Variants in CNTNAP2 observed in about 807,000 individuals in gnomAD.
The protein encoded by CNTNAP2 is contactin-associated protein-like 2.
A neutral mutation model predicts 155.2 loss-of-function variants in CNTNAP2; 98 were observed. The observed-to-expected ratio is 0.63, with a 90% CI of 0.54 to 0.75. The LOEUF (loss-of-function observed/expected upper bound fraction) is 0.75, where lower values mean the gene tolerates loss of function less well. CNTNAP2 is among the 30% of genes least tolerant of loss of function. The probability of loss-of-function intolerance (pLI) is 0.00; values close to 1 mark genes in which losing one functional copy is unlikely to be tolerated. For missense variants in CNTNAP2, 1,727 were observed against 1,688.1 expected, an observed-to-expected ratio of 1.02 and a Z score of -0.40; for synonymous variants, 651 against 631.2, an observed-to-expected ratio of 1.03 and a Z score of -0.47.
At chr7:148,026,272 G>A (rs926521318) in intron 15 of CNTNAP2, among the ~76,000 whole-genome samples, 1 of 151,922 alleles carries the variant, frequency 6.6e-6, no homozygotes, top group African/African-American at 2.4e-5. Context: ...AATATAGTGA[G>A]GCCTCGTCTC....
At position 146,686,235 on chromosome 7, in the gene CNTNAP2, G is replaced by A. The variant is rs1355287171; in HGVS notation, c.98-88036G>A. 5.3e-5 allele frequency among the ~76,000 whole-genome samples: 8 copies of A among 152,088 alleles called. No homozygotes were observed. The South Asian group carries it at 1.7e-3, about 32-fold the overall frequency. On this transcript the variant is annotated intron_variant, in intron 1 of 23. Coordinates refer to ENST00000361727, the MANE Select transcript of CNTNAP2 (RefSeq NM_014141.6). The stretch of plus-strand genomic sequence containing the variant: ...CCCTTGAACCCAGGAGGTGAAGGCT[G>A]TTGTGAGCTGTGATTGCACACTGCA...
intron 13 of CNTNAP2, among the ~76,000 whole-genome samples, chr7:147,761,550 C>G (rs1797298539): frequency 6.6e-6 from 1 of 152,104 alleles, no homozygotes; most frequent in Admixed American, 6.6e-5. Flanking sequence ...TTCATCCAAC[C>G]CTTAGGTATC....
intron 8 of CNTNAP2, among the ~76,000 whole-genome samples, chr7:147,186,198 T>G (rs1259603921): frequency 6.6e-6 from 1 of 152,156 alleles, no homozygotes; most frequent in East Asian, 1.9e-4. Flanking sequence ...GGAGCATCAA[T>G]CTTAATGCTT....
chr7:148,234,884 C>T (rs1485525268), intron 20 of CNTNAP2, among the ~76,000 whole-genome samples: 4 of 152,162 alleles, frequency 2.6e-5, no homozygotes, highest in Non-Finnish European at 5.9e-5. Flanking sequence ...CACAGATACT[C>T]GGAATCCATA....
At chr7:146,944,337 C>G (rs1797114375) in intron 3 of CNTNAP2, among the ~76,000 whole-genome samples, 1 of 151,404 alleles carries the variant, frequency 6.6e-6, no homozygotes, top group Non-Finnish European at 1.5e-5. Flanking sequence ...CAAAGATCAA[C>G]TGTAGATTTT....
chr7:146,819,789 T>C (rs1803240642), intron 2 of CNTNAP2, among the ~76,000 whole-genome samples: 1 of 152,168 alleles, frequency 6.6e-6, no homozygotes, highest in Non-Finnish European at 1.5e-5. Context: ...GTTTCTCAAC[T>C]CAGAATGTCT....
At chr7:147,606,708 AAC>A (rs1801070629) in intron 12 of CNTNAP2, among the ~76,000 whole-genome samples, 1 of 152,194 alleles carries the variant, frequency 6.6e-6, no homozygotes, top group African/African-American at 2.4e-5. Context: ...GATAAATGCA[AAC>A]ACAGACATAA....
At chr7:146,163,537 C>T (rs932426019) in intron 1 of CNTNAP2, among the ~76,000 whole-genome samples, 9 of 141,280 alleles carry the variant, frequency 6.4e-5, no homozygotes, top group African/African-American at 2.2e-4. Flanking sequence ...CTATATATAT[C>T]TATATCTATA....
chr7:147,041,336 C>CA (rs1288502696), intron 3 of CNTNAP2, among the ~76,000 whole-genome samples: 1 of 152,034 alleles, frequency 6.6e-6, no homozygotes, highest in Non-Finnish European at 1.5e-5. Flanking sequence ...ATAAGCGCAT[C>CA]AAATCTTTTT....
intron 1 of CNTNAP2, among the ~76,000 whole-genome samples, chr7:146,549,449 A>C (rs1450507169): frequency 6.6e-6 from 1 of 152,040 alleles, no homozygotes; most frequent in African/African-American, 2.4e-5. Context: ...TTATATCTTA[A>C]AAGTTATTGA....
At chr7:146,411,814 T>TTTATTTATTTATTTA (rs370214179) in intron 1 of CNTNAP2, among the ~76,000 whole-genome samples, 5 of 117,076 alleles carry the variant, frequency 4.3e-5, no homozygotes, top group African/African-American at 2.7e-4. Context: ...TTTTATTTTA[T>TTTATTTATTTATTTA]TTTATTTATT....
chr7:147,296,790 G>T (rs761967283), intron 8 of CNTNAP2, among the ~76,000 whole-genome samples: 1 of 152,124 alleles, frequency 6.6e-6, no homozygotes, highest in South Asian at 2.1e-4. Context: ...CCACAAAAAG[G>T]TTCTTTAATA....
chr7:146,706,862 T>A (rs902455257), intron 1 of CNTNAP2, among the ~76,000 whole-genome samples: 4 of 148,014 alleles, frequency 2.7e-5, no homozygotes, highest in Non-Finnish European at 4.4e-5. Context: ...ACAATCCCCA[T>A]GACACAAGTT....
chr7:147,891,783 C>T (rs1306903583), intron 13 of CNTNAP2, among the ~76,000 whole-genome samples: 1 of 151,870 alleles, frequency 6.6e-6, no homozygotes, highest in African/African-American at 2.4e-5. Context: ...GATAGTTTAC[C>T]AAATAATTCC....
chr7:147,837,727 C>G (rs954497629), intron 13 of CNTNAP2, among the ~76,000 whole-genome samples: 3 of 152,192 alleles, frequency 2.0e-5, no homozygotes, highest in Admixed American at 2.0e-4. Context: ...ACTGAAGAAG[C>G]TAAAGGCCCT....
chr7:147,226,186 A>G (rs1406843850), intron 8 of CNTNAP2, among the ~76,000 whole-genome samples: 1 of 152,134 alleles, frequency 6.6e-6, no homozygotes, highest in Non-Finnish European at 1.5e-5. Context: ...CCTTCTTTGC[A>G]ATGTTCTTGT....
At chr7:148,070,224 G>A (rs1803355039) in intron 15 of CNTNAP2, among the ~76,000 whole-genome samples, 1 of 152,056 alleles carries the variant, frequency 6.6e-6, no homozygotes, top group African/African-American at 2.4e-5. Context: ...ACAAATACAA[G>A]GAAAAATAAA....
intron 3 of CNTNAP2, among the ~76,000 whole-genome samples, chr7:146,924,689 C>T (rs1405300139): frequency 1.3e-5 from 2 of 151,844 alleles, no homozygotes; most frequent in African/African-American, 4.8e-5. Context: ...ATGATCTTAC[C>T]TAACTATTTG....
intron 21 of CNTNAP2, among the ~76,000 whole-genome samples, chr7:148,364,972 A>G (rs927843433): frequency 6.6e-6 from 1 of 152,190 alleles, no homozygotes; most frequent in East Asian, 1.9e-4. Context: ...AACCCACCAG[A>G]AGGAAGAAAC....
Sources: gnomAD v4.1 joint callset for allele counts (sites outside exome capture counted in the v4.1 genomes callset) on GRCh38, gnomAD v4.1.1 for gene constraint, MANE v1.5 for transcripts, NCBI Gene and HGNC (gene_info 2026-07-23, HGNC 2026-07-21) for gene names.